GARIN1A: variants seen among roughly 807,000 people sequenced by gnomAD.
GARIN1A encodes golgi associated RAB2 interactor 1A.
At chr7:128,695,271 G>A in the GARIN1A span, among the ~76,000 whole-genome samples, 3 of 152,168 alleles carry the variant, frequency 2.0e-5, no homozygotes, top group Non-Finnish European at 4.4e-5. The surrounding 1 kb of genome is among the most constrained non-coding windows in gnomAD (Gnocchi z 4.5). Flanking sequence ...ATCAAGGGAG[G>A]CGCATGCTGT....
chr7:128,678,466 T>C, the GARIN1A span, among the ~76,000 whole-genome samples: 1 of 152,200 alleles, frequency 6.6e-6, no homozygotes, highest in African/African-American at 2.4e-5. Context: ...ATTGCCAGAT[T>C]ATTTCCATAA....
chr7:128,696,829 A>G, the GARIN1A span, among the ~76,000 whole-genome samples: 1 of 152,224 alleles, frequency 6.6e-6, no homozygotes, highest in African/African-American at 2.4e-5. Context: ...GAAGCCCTAC[A>G]GAGAATAAAT....
the GARIN1A span, chr7:128,685,820 C>G: frequency 6.6e-6 from 1 of 152,174 alleles, no homozygotes; most frequent in African/African-American, 2.4e-5. Flanking sequence ...ATGTGGCCAT[C>G]CTATCTATAT....
the GARIN1A span, among the ~76,000 whole-genome samples, chr7:128,688,967 G>A: frequency 6.6e-6 from 1 of 150,596 alleles, no homozygotes; most frequent in African/African-American, 2.5e-5. Flanking sequence ...CGCCTGACTG[G>A]TTTTCGTATT....
chr7:128,689,142 G>A, the GARIN1A span, among the ~76,000 whole-genome samples: 6 of 151,798 alleles, frequency 4.0e-5, no homozygotes, highest in African/African-American at 9.7e-5. Flanking sequence ...GCGTGATCTC[G>A]GCTCGCTACA....
chr7:128,680,120 C>G, the GARIN1A span: 5 of 1,571,636 alleles, frequency 3.2e-6, no homozygotes, highest in African/African-American at 4.1e-5. Context: ...TCTCACAGCT[C>G]TCAGGAAAGC....
the GARIN1A span, among the ~76,000 whole-genome samples, chr7:128,695,525 C>A: frequency 6.6e-6 from 1 of 152,112 alleles, no homozygotes; most frequent in Non-Finnish European, 1.5e-5. The surrounding 1 kb of genome is among the most constrained non-coding windows in gnomAD (Gnocchi z 4.5). Flanking sequence ...TCCACCTGAA[C>A]ATTTTTAAAT....
the GARIN1A span, among the ~76,000 whole-genome samples, chr7:128,701,219 C>A: frequency 6.7e-6 from 1 of 149,284 alleles, no homozygotes; most frequent in South Asian, 2.2e-4. Context: ...TAGAGGGAAA[C>A]AAATGTTAGA....
At chr7:128,705,629 T>G in the GARIN1A span, among the ~76,000 whole-genome samples, 1 of 151,024 alleles carries the variant, frequency 6.6e-6, no homozygotes, top group Admixed American at 6.6e-5. Flanking sequence ...GCAACACTGA[T>G]GGCGCCAAAT....
the GARIN1A span, among the ~76,000 whole-genome samples, chr7:128,674,811 T>C: frequency 1.3e-5 from 2 of 152,132 alleles, no homozygotes; most frequent in Non-Finnish European, 2.9e-5. Flanking sequence ...GTCTAGAACA[T>C]TGGCTGGGCA....
chr7:128,693,506 G>T, the GARIN1A span: 1 of 192,410 alleles, frequency 5.2e-6, no homozygotes, highest in Non-Finnish European at 1.1e-5. Flanking sequence ...TGGACTTCCT[G>T]AAATGGGAGG....
the GARIN1A span, among the ~76,000 whole-genome samples, chr7:128,681,686 A>G: frequency 2.0e-5 from 3 of 151,760 alleles, no homozygotes; most frequent in Admixed American, 2.0e-4. Context: ...AATTTTTAGT[A>G]GAGACAAGGT....
chr7:128,687,432 C>T, the GARIN1A span: 2 of 152,188 alleles, frequency 1.3e-5, no homozygotes, highest in East Asian at 3.8e-4. Flanking sequence ...GCTCTGACAC[C>T]AGAACAGCTC....
the GARIN1A span, chr7:128,683,295 C>A: frequency 1.5e-6 from 1 of 645,916 alleles, no homozygotes; most frequent in Non-Finnish European, 2.5e-6. Context: ...TCTACTTCCA[C>A]CAATAAACTT....
At chr7:128,672,353 G>A in the GARIN1A span, 10 of 1,544,620 alleles carry the variant, frequency 6.5e-6, no homozygotes, top group South Asian at 3.6e-5. Context: ...CTGGGTCGGC[G>A]TGGAGCCCCA....
the GARIN1A span, chr7:128,675,906 A>G: frequency 1.5e-6 from 2 of 1,357,802 alleles, no homozygotes; most frequent in South Asian, 2.4e-5. Flanking sequence ...ATTGACTGGG[A>G]TATGCATTGC....
the GARIN1A span, among the ~76,000 whole-genome samples, chr7:128,673,507 G>T: frequency 6.6e-6 from 1 of 152,204 alleles, no homozygotes; most frequent in Non-Finnish European, 1.5e-5. Context: ...GGGCTTCAAA[G>T]TACCTAAGGA....
the GARIN1A span, chr7:128,691,166 G>A: frequency 1.4e-5 from 2 of 138,988 alleles, no homozygotes; most frequent in Non-Finnish European, 3.2e-5. Context: ...CTCAATTTGG[G>A]GGATGGGGGA....
the GARIN1A span, among the ~76,000 whole-genome samples, chr7:128,704,866 G>T: frequency 2.0e-5 from 3 of 152,134 alleles, no homozygotes; most frequent in Admixed American, 6.5e-5. Context: ...GGGTAAATTT[G>T]CTTCTTACAC....
Sources: gnomAD v4.1 joint callset for allele counts (sites outside exome capture counted in the v4.1 genomes callset) on GRCh38, gnomAD v4.1.1 for gene constraint, Gnocchi (gnomAD v3.1) non-coding constraint, MANE v1.5 for transcripts, NCBI Gene and HGNC (gene_info 2026-07-23, HGNC 2026-07-21) for gene names.